The following TSPAN9 variants were observed in gnomAD, a reference collection of about 807,000 sequenced individuals.
TSPAN9 encodes the protein tetraspanin 9.
A neutral mutation model predicts 31.0 loss-of-function variants in TSPAN9; 16 were observed. The ratio of observed to expected loss-of-function variants is 0.52; its 90% CI spans 0.35 to 0.78. The LOEUF (loss-of-function observed/expected upper bound fraction) is 0.78. Ranked by LOEUF, TSPAN9 falls within the 30% of genes least tolerant of loss-of-function variation. TSPAN9 has a pLI of 0.01. For missense variants in TSPAN9, 272 were observed against 312.5 expected (o/e 0.87, Z 0.98); for synonymous variants, 145 against 121.6 (o/e 1.19, Z -1.27).
chr12:3,119,500 G>T (rs2098324093), intron 2 of TSPAN9, among the ~76,000 whole-genome samples: 2 of 152,188 alleles, frequency 1.3e-5, no homozygotes, highest in South Asian at 2.1e-4. Flanking sequence ...GTTGTGAAAT[G>T]CCCTTGCCCG....
chr12:3,139,845 G>A (rs530840932), intron 2 of TSPAN9, among the ~76,000 whole-genome samples: 2 of 152,300 alleles, frequency 1.3e-5, no homozygotes, highest in East Asian at 3.9e-4. Context: ...ACCGTGCCTG[G>A]CCTCAGATAG....
At chr12:3,246,593 G>C (rs1862132875) in intron 3 of TSPAN9, among the ~76,000 whole-genome samples, 2 of 152,148 alleles carry the variant, frequency 1.3e-5, no homozygotes, top group Non-Finnish European at 2.9e-5. Flanking sequence ...TCAGTGCCAG[G>C]GAACAGTAGC....
intron 2 of TSPAN9, among the ~76,000 whole-genome samples, chr12:3,161,013 C>A (rs190355400): frequency 3.9e-5 from 6 of 152,162 alleles, no homozygotes; most frequent in Middle Eastern, 3.4e-3. Flanking sequence ...CTGAGTTTGG[C>A]AGTTCTAGAT....
chr12:3,181,687 C>T (rs1381452891), intron 2 of TSPAN9, among the ~76,000 whole-genome samples: 1 of 152,168 alleles, frequency 6.6e-6, no homozygotes, highest in African/African-American at 2.4e-5. Context: ...CGCCCAAAGT[C>T]ACATTGTCCC....
chr12:3,138,089 G>A (rs747972271), intron 2 of TSPAN9, among the ~76,000 whole-genome samples: 10 of 152,192 alleles, frequency 6.6e-5, no homozygotes, highest in Non-Finnish European at 1.3e-4. Flanking sequence ...GACTGCATTT[G>A]TCGTCCATGG....
intron 3 of TSPAN9, among the ~76,000 whole-genome samples, chr12:3,224,665 G>A (rs2098386231): frequency 1.3e-5 from 2 of 152,242 alleles, no homozygotes; most frequent in Admixed American, 1.3e-4. Context: ...TGGGATCTCC[G>A]ATGAGGCCTA....
At chr12:3,164,325 T>A (rs2098347164) in intron 2 of TSPAN9, among the ~76,000 whole-genome samples, 1 of 152,194 alleles carries the variant, frequency 6.6e-6, no homozygotes, top group Non-Finnish European at 1.5e-5. Context: ...TGCTTTACAC[T>A]CTGTGGTACG....
intron 2 of TSPAN9, among the ~76,000 whole-genome samples, chr12:3,105,766 GCGCACGCACACA>G (rs1565577286): frequency 5.7e-5 from 2 of 35,172 alleles, no homozygotes; most frequent in South Asian, 3.4e-3. Context: ...ACGCACACAC[GCGCACGCACACA>G]CGCTCATACA....
rs2098315358 is a variant in TSPAN9, at chr12:3,107,658, G to A, written c.-18+23939G>A. 6.6e-6 allele frequency among the ~76,000 whole-genome samples: 1 copy of A among 152,184 alleles called. No individual in the cohort carries two copies. The highest frequency in any genetic ancestry group is 2.4e-5 in the African/African-American group (1 of 41,432). ...TGTGGGACTGCCAAGCTGCTGCAAG[G>A]ACCTTTAGGTCACGCCCAGAGACAG... On this transcript the variant is annotated intron_variant, in intron 2 of 8. Coordinates refer to ENST00000011898, the MANE Select transcript of TSPAN9 (RefSeq NM_006675.5). The surrounding 1 kb of genome is among the most constrained non-coding windows in gnomAD (Gnocchi z 4.1).
In TSPAN9 at chr12:3,187,341, T is replaced by C. The variant is rs79083886; in HGVS notation, c.-17-13836T>C. Among the ~76,000 whole-genome samples the C allele has an allele frequency of 0.012, 1,811 of 152,280 alleles. 34 individuals carry two copies. Among genetic ancestry groups the C allele is most frequent in the African/African-American group, 0.041 (1,705 of 41,542 alleles). On this transcript the variant is annotated intron_variant, in intron 2 of 8. Transcript: ENST00000011898. This position sits in a 1 kb window ranked among gnomAD's most constrained non-coding sequence, Gnocchi z 5.2. ...TCCTAGCTGGGTAATCCTAAATGCATGAGTGTCCTCTCAGCCTGCTTCCTT... is the reference window on the plus strand; with the variant it reads ...TCCTAGCTGGGTAATCCTAAATGCACGAGTGTCCTCTCAGCCTGCTTCCTT...
intron 3 of TSPAN9, among the ~76,000 whole-genome samples, chr12:3,268,322 C>G (rs1247015871): frequency 3.2e-5 from 4 of 125,552 alleles, no homozygotes; most frequent in East Asian, 2.6e-4. Flanking sequence ...CCTGCCCTCT[C>G]TGTGTTCCTG....
chr12:3,135,132 G>C (rs562254538), intron 2 of TSPAN9, among the ~76,000 whole-genome samples: 64 of 152,282 alleles, frequency 4.2e-4, no homozygotes, highest in African/African-American at 1.5e-3. Context: ...ACCCAAGCTA[G>C]AGTGCAGTGT....
intron 3 of TSPAN9, among the ~76,000 whole-genome samples, chr12:3,246,172 C>T (rs558225316): frequency 2.6e-5 from 4 of 151,170 alleles, no homozygotes; most frequent in South Asian, 2.1e-4. Flanking sequence ...AAAGCAGGAG[C>T]GGGTGAGATT....
intron 2 of TSPAN9, among the ~76,000 whole-genome samples, chr12:3,095,697 G>A (rs2098308100): frequency 6.6e-6 from 1 of 151,436 alleles, no homozygotes; most frequent in African/African-American, 2.4e-5. Context: ...CTTCCCAGAT[G>A]GGGCGGCGGG....
At chr12:3,256,486 T>C (rs1862347180) in intron 3 of TSPAN9, among the ~76,000 whole-genome samples, 1 of 151,512 alleles carries the variant, frequency 6.6e-6, no homozygotes, top group East Asian at 1.9e-4. Flanking sequence ...AGAAGGCGAG[T>C]GGGTTATAAA....
chr12:3,277,401 A>G (rs1862808206), intron 3 of TSPAN9, among the ~76,000 whole-genome samples: 1 of 152,230 alleles, frequency 6.6e-6, no homozygotes, highest in African/African-American at 2.4e-5. Flanking sequence ...ACTGGGCACC[A>G]GTCCATCCCA....
At position 3,160,986 on chromosome 12, in the gene TSPAN9, C is replaced by T. The variant is rs570864437; in HGVS notation, c.-17-40191C>T. ...CTATAATCCCAGCACTTTGGGAGGC[C>T]GAGGCAGGTGGATCATCTGAGTTTG... On this transcript the variant is annotated intron_variant, in intron 2 of 8. Coordinates refer to ENST00000011898, the MANE Select transcript of TSPAN9 (RefSeq NM_006675.5). 2.5e-4 allele frequency among the ~76,000 whole-genome samples: 38 copies of T among 152,152 alleles called. No individual in the cohort carries two copies. The South Asian group carries it at 5.6e-3, about 22-fold the overall frequency.
At chr12:3,220,533 G>A (rs2098383879) in intron 3 of TSPAN9, among the ~76,000 whole-genome samples, 1 of 152,242 alleles carries the variant, frequency 6.6e-6, no homozygotes, top group Non-Finnish European at 1.5e-5. Flanking sequence ...AGGCAGAGGT[G>A]AAGCTTCGTC....
rs1406565457 is a variant in TSPAN9, at chr12:3,211,726, G to A, written c.63+10470G>A. The A allele has an allele frequency of 5.6e-6, 9 of 1,596,912 alleles. No individual in the cohort carries two copies. In the Admixed American group the frequency reaches 8.3e-5, roughly 15 times the overall value. On this transcript the variant is annotated intron_variant, in intron 3 of 8. Coordinates refer to ENST00000011898, the MANE Select transcript of TSPAN9 (RefSeq NM_006675.5). Reference sequence around the variant, plus strand: ...GCCTTGCTTTTCCTCCTGTAGGCTGGCAGAGGACAGTGGAGCAGCCAACAC... The same window carrying A: ...GCCTTGCTTTTCCTCCTGTAGGCTGACAGAGGACAGTGGAGCAGCCAACAC...
Sources: allele counts gnomAD v4.1 joint callset (sites outside exome capture counted in the v4.1 genomes callset), GRCh38; gene constraint gnomAD v4.1.1; non-coding constraint Gnocchi (gnomAD v3.1); transcripts MANE v1.5; gene names NCBI Gene and HGNC (gene_info 2026-07-23, HGNC 2026-07-21).